Variants in ZNF407 observed in about 807,000 individuals in gnomAD.
ZNF407 encodes the protein zinc finger protein 407.
Under a neutral mutation model 131.2 loss-of-function variants are expected in ZNF407, and 17 were observed. The observed-to-expected ratio is 0.13, with a 90% CI of 0.09 to 0.19. The LOEUF is 0.19. Ranked by LOEUF, ZNF407 falls within the 10% of genes least tolerant of loss-of-function variation. ZNF407 has a pLI of 1.00. For synonymous variants in ZNF407, 1,156 were observed against 1,062.0 expected, an observed-to-expected ratio of 1.09 and a Z score of -1.72; for missense variants, 2,681 against 2,830.6, an observed-to-expected ratio of 0.95 and a Z score of 1.20.
intron 4 of ZNF407, chr18:74,804,621 T>A (rs1314023972): frequency 2.0e-6 from 2 of 983,340 alleles, no homozygotes; most frequent in Non-Finnish European, 2.4e-6. Flanking sequence ...AAATGCTGAT[T>A]ACTATAGCCA....
intron 3 of ZNF407, among the ~76,000 whole-genome samples, chr18:74,675,574 G>A (rs542273949): frequency 3.3e-5 from 5 of 152,200 alleles, no homozygotes; most frequent in East Asian, 1.9e-4. Context: ...GTAAGAGGAC[G>A]TGTAAAAAGG....
chr18:74,739,861 A>G (rs1406630781), intron 3 of ZNF407, among the ~76,000 whole-genome samples: 1 of 152,218 alleles, frequency 6.6e-6, no homozygotes, highest in African/African-American at 2.4e-5. Context: ...TAAAAAATAT[A>G]TGCCCAGAAC....
At position 74,682,163 on chromosome 18, in the gene ZNF407, A is replaced by G. The variant is rs1966999785; in HGVS notation, c.4802+41041A>G. The stretch of plus-strand genomic sequence containing the variant: ...GACAAAGATGGAAAGGGGACAGTAA[A>G]CTGAAAGACACATTTCAACTTGTGG... On this transcript the variant is annotated intron_variant, in intron 3 of 8. Coordinates refer to ENST00000299687, the MANE Select transcript of ZNF407 (RefSeq NM_017757.3). Among the ~76,000 whole-genome samples, 3 of 152,226 alleles carry G rather than the reference A, an allele frequency of 2.0e-5. No individual in the cohort carries two copies. In the South Asian group the frequency reaches 6.2e-4, roughly 32 times the overall value.
intron 2 of ZNF407, among the ~76,000 whole-genome samples, chr18:74,636,354 T>A (rs981366334): frequency 6.6e-6 from 1 of 152,158 alleles, no homozygotes; most frequent in African/African-American, 2.4e-5. Context: ...CATTTTTTTT[T>A]GGTGGAAAAT....
chr18:75,020,151 G>A (rs1973090197), intron 8 of ZNF407, among the ~76,000 whole-genome samples: 1 of 152,034 alleles, frequency 6.6e-6, no homozygotes, highest in South Asian at 2.1e-4. Flanking sequence ...TGTAATAATT[G>A]TTCTATTTTA....
chr18:74,652,838 T>C (rs985647272), intron 3 of ZNF407, among the ~76,000 whole-genome samples: 11 of 151,946 alleles, frequency 7.2e-5, no homozygotes, highest in East Asian at 3.9e-4. Flanking sequence ...CTCTCACATA[T>C]AGGGTATGTT....
chr18:74,845,920 C>T (rs1315475971), intron 4 of ZNF407, among the ~76,000 whole-genome samples: 2 of 152,170 alleles, frequency 1.3e-5, no homozygotes, highest in African/African-American at 2.4e-5. Context: ...AAAAAAAAAT[C>T]CCTCACACTT....
At chr18:74,679,740 G>A (rs1023512371) in intron 3 of ZNF407, among the ~76,000 whole-genome samples, 8 of 152,186 alleles carry the variant, frequency 5.3e-5, no homozygotes, top group African/African-American at 1.9e-4. Flanking sequence ...ACACTCAGGA[G>A]TTACACAGGA....
rs1599035182 is a variant in ZNF407 at position 74,641,813 on chromosome 18, A to G, written c.4802+691A>G. ...AAAAGGTTTTAAAATGCTAGATCAT[A>G]TATGGTATAACATAGGACATTCAGA... On this transcript the variant is annotated intron_variant, in intron 3 of 8. Coordinates refer to ENST00000299687, the MANE Select transcript of ZNF407 (RefSeq NM_017757.3). Among the ~76,000 whole-genome samples, 4 of 152,340 alleles carry G rather than the reference A, an allele frequency of 2.6e-5. No homozygotes were observed. In the East Asian group the frequency reaches 7.7e-4, roughly 29 times the overall value.
intron 3 of ZNF407, among the ~76,000 whole-genome samples, chr18:74,664,228 G>T (rs573615888): frequency 6.6e-6 from 1 of 152,180 alleles, no homozygotes; most frequent in African/African-American, 2.4e-5. Context: ...TTGGCTGGGC[G>T]TGGTGGCTCA....
At chr18:74,619,599 G>T (rs1412386552) in intron 1 of ZNF407, among the ~76,000 whole-genome samples, 2 of 152,108 alleles carry the variant, frequency 1.3e-5, no homozygotes, top group Non-Finnish European at 2.9e-5. Flanking sequence ...AACTTAATGA[G>T]AAAGGAGGGG....
At chr18:74,654,067 G>A (rs1262026715) in intron 3 of ZNF407, among the ~76,000 whole-genome samples, 5 of 151,714 alleles carry the variant, frequency 3.3e-5, no homozygotes, top group Admixed American at 6.6e-5. Context: ...ATTGACAATC[G>A]TAGGTCTTGA....
intron 7 of ZNF407, among the ~76,000 whole-genome samples, chr18:74,896,284 C>G (rs1971452128): frequency 6.6e-6 from 1 of 151,754 alleles, no homozygotes; most frequent in African/African-American, 2.4e-5. Context: ...TTTAAAGTAC[C>G]AGTCAACACG....
intron 3 of ZNF407, among the ~76,000 whole-genome samples, chr18:74,695,536 T>A (rs920670480): frequency 6.6e-6 from 1 of 151,552 alleles, no homozygotes; most frequent in African/African-American, 2.4e-5. Context: ...CTTTTCCTGA[T>A]TTAAAGAAAA....
Position 75,012,283 on chromosome 18 carries a change from G to A in ZNF407, c.5429-50867G>A, listed in dbSNP as rs142704923. ...TACACATAGTGTATGTACACATAGT[G>A]TATGTACACATAGTGTATGTACACA... On this transcript the variant is annotated intron_variant, in intron 8 of 8. Coordinates refer to ENST00000299687, the MANE Select transcript of ZNF407 (RefSeq NM_017757.3). 3.1e-3 allele frequency among the ~76,000 whole-genome samples: 358 copies of A among 116,972 alleles called. 7 individuals carry two copies. Among genetic ancestry groups the A allele is most frequent in the African/African-American group, 0.01 (326 of 32,320 alleles). The allele number at this position is 116,972 out of a possible 152,430, so 76.7% of individuals were successfully genotyped here.
intron 8 of ZNF407, among the ~76,000 whole-genome samples, chr18:74,948,480 C>T (rs1972178807): frequency 6.6e-6 from 1 of 152,296 alleles, no homozygotes; most frequent in East Asian, 1.9e-4. Context: ...CCATAGACAT[C>T]AGCTTTGCAG....
chr18:74,900,918 A>G (rs996086328), intron 7 of ZNF407, among the ~76,000 whole-genome samples: 1 of 152,246 alleles, frequency 6.6e-6, no homozygotes, highest in African/African-American at 2.4e-5. Flanking sequence ...ACCTTCTTCA[A>G]ATTGCCGGTT....
chr18:74,956,507 A>G (rs562507248), intron 8 of ZNF407, among the ~76,000 whole-genome samples: 69 of 152,252 alleles, frequency 4.5e-4, no homozygotes, highest in African/African-American at 1.3e-3. Context: ...CTCCAATGTC[A>G]TGAGCTCCTT....
chr18:75,016,551 T>G (rs1973046615), intron 8 of ZNF407, among the ~76,000 whole-genome samples: 1 of 152,122 alleles, frequency 6.6e-6, no homozygotes, highest in Non-Finnish European at 1.5e-5. Context: ...TAATCATGTT[T>G]CTTACACAGC....
Sources: allele counts gnomAD v4.1 joint callset (sites outside exome capture counted in the v4.1 genomes callset), GRCh38; gene constraint gnomAD v4.1.1; transcripts MANE v1.5; gene names NCBI Gene and HGNC (gene_info 2026-07-23, HGNC 2026-07-21).